Variants in NTRK3 observed in about 807,000 individuals in gnomAD.
NTRK3 encodes the protein neurotrophic receptor tyrosine kinase 3, also known as NT-3 growth factor receptor.
NTRK3 carries 24 observed loss-of-function variants against 91.7 expected under a neutral mutation model. The observed-to-expected ratio is 0.26, with a 90% CI of 0.19 to 0.37. The LOEUF is 0.37. Among genes scored for constraint, NTRK3 ranks in the 10% least tolerant of loss-of-function variants. The pLI is 1.00. For synonymous variants in NTRK3, 483 were observed against 404.0 expected, an observed-to-expected ratio of 1.20 and a Z score of -2.34; for missense variants, 880 against 1,068.9, an observed-to-expected ratio of 0.82 and a Z score of 2.46.
intron 13 of NTRK3, among the ~76,000 whole-genome samples, chr15:88,106,296 C>T (rs547525039): frequency 3.9e-5 from 6 of 152,342 alleles, no homozygotes; most frequent in African/African-American, 1.2e-4. Context: ...AAAACATGCA[C>T]AGAGGGAGCT....
intron 17 of NTRK3, among the ~76,000 whole-genome samples, chr15:87,881,135 G>A (rs992885376): frequency 3.9e-5 from 6 of 152,166 alleles, no homozygotes; most frequent in African/African-American, 1.4e-4. Flanking sequence ...TGACTGACAA[G>A]GATAAACACC....
chr15:87,863,028 C>T (rs531191704), exon 19 of NTRK3: 2 of 230,906 alleles, frequency 8.7e-6, no homozygotes, highest in Admixed American at 5.6e-5. Context: ...TATAAGCAGT[C>T]CTTCATTTAG....
chr15:88,228,627 C>T (rs183866078), intron 3 of NTRK3, among the ~76,000 whole-genome samples: 2 of 152,290 alleles, frequency 1.3e-5, no homozygotes, highest in Non-Finnish European at 2.9e-5. Flanking sequence ...ACCCACAGCA[C>T]ATGACCCCAG....
chr15:87,979,850 C>T (rs1217051651), intron 14 of NTRK3, among the ~76,000 whole-genome samples: 1 of 152,126 alleles, frequency 6.6e-6, no homozygotes, highest in Non-Finnish European at 1.5e-5. Flanking sequence ...ACTGTAGGGT[C>T]ACTTAGGGGC....
At chr15:87,985,021 C>G (rs548137817) in intron 14 of NTRK3, among the ~76,000 whole-genome samples, 78 of 152,296 alleles carry the variant, frequency 5.1e-4, no homozygotes, top group African/African-American at 1.8e-3. Context: ...GAAATCCCAT[C>G]TCTGCAAGCC....
intron 14 of NTRK3, among the ~76,000 whole-genome samples, chr15:88,022,531 A>G (rs1197747198): frequency 6.6e-6 from 1 of 152,208 alleles, no homozygotes; most frequent in Non-Finnish European, 1.5e-5. Flanking sequence ...TCTCTGGAGA[A>G]AAGTTAATCC....
chr15:87,866,544 G>A (rs184167267), exon 19 of NTRK3: 1 of 174,382 alleles, frequency 5.7e-6, no homozygotes, highest in Non-Finnish European at 1.2e-5. Context: ...TTAAAATAAG[G>A]GATTGGGTTA....
chr15:87,929,144 G>A (rs2141907379), intron 17 of NTRK3, 47 bp downstream of exon 17: 1 of 1,613,930 alleles, frequency 6.2e-7, no homozygotes, highest in Non-Finnish European at 8.5e-7. Flanking sequence ...ATGTAAGCAA[G>A]GCGCTAGCTC....
intron 5 of NTRK3, among the ~76,000 whole-genome samples, chr15:88,164,104 A>C (rs557961744): frequency 3.3e-5 from 5 of 152,272 alleles, no homozygotes; most frequent in African/African-American, 1.2e-4. Context: ...CCCCATAGAA[A>C]TTTGTTCATT....
At chr15:87,968,188 T>TAC (rs2072952496) in intron 14 of NTRK3, among the ~76,000 whole-genome samples, 1 of 152,240 alleles carries the variant, frequency 6.6e-6, no homozygotes, top group Non-Finnish European at 1.5e-5. Flanking sequence ...GGAATGTGTG[T>TAC]GTATACTTGA....
intron 11 of NTRK3, 81 bp downstream of exon 11, chr15:88,128,630 G>T: frequency 7.0e-7 from 1 of 1,420,592 alleles, no homozygotes; most frequent in South Asian, 1.1e-5. Flanking sequence ...TGTGGAATAG[G>T]AGAGAGGGCT....
rs533569898 is a variant in NTRK3 at position 88,062,288 on chromosome 15, C to T, written c.1397-29243G>A. ...GTGTTACAAGGATGAAAGTGTTTTG[C>T]GCAAGAAGTACTCCATAAATGATAA... On this transcript the variant is annotated intron_variant, in intron 13 of 18. Transcript: ENST00000394480. 1.6e-3 allele frequency among the ~76,000 whole-genome samples: 237 copies of T among 152,264 alleles called. 2 individuals carry two copies. Among genetic ancestry groups the T allele is most frequent in the African/African-American group, 4.3e-3 (179 of 41,548 alleles).
chr15:87,945,019 T>C (rs1381545566), intron 14 of NTRK3, among the ~76,000 whole-genome samples: 1 of 152,228 alleles, frequency 6.6e-6, no homozygotes, highest in East Asian at 1.9e-4. Flanking sequence ...CTCCTTTTAC[T>C]GCCTGGCTGG....
intron 13 of NTRK3, among the ~76,000 whole-genome samples, chr15:88,053,820 C>T (rs1441113148): frequency 1.3e-5 from 2 of 152,138 alleles, no homozygotes; most frequent in South Asian, 4.2e-4. Flanking sequence ...GTACAAATAC[C>T]TTATCAAAAT....
At chr15:88,122,335 G>C (rs1458074451) in intron 13 of NTRK3, among the ~76,000 whole-genome samples, 1 of 152,116 alleles carries the variant, frequency 6.6e-6, no homozygotes, top group East Asian at 1.9e-4. Context: ...TGGCAGTCTG[G>C]GAGGTGTGAG....
At chr15:87,924,414 T>G (rs1390819731) in intron 17 of NTRK3, among the ~76,000 whole-genome samples, 5 of 152,134 alleles carry the variant, frequency 3.3e-5, no homozygotes, top group Non-Finnish European at 7.4e-5. Context: ...CAGCTTAGAA[T>G]CCAGTGCCTT....
intron 13 of NTRK3, among the ~76,000 whole-genome samples, chr15:88,075,516 AC>A (rs956997287): frequency 2.6e-4 from 40 of 152,190 alleles, no homozygotes; most frequent in African/African-American, 9.2e-4. Flanking sequence ...CCTAAAGAGG[AC>A]CCCAGCAGAG....
At chr15:87,946,871 GTTCT>G (rs2070565354) in intron 14 of NTRK3, among the ~76,000 whole-genome samples, 1 of 134,782 alleles carries the variant, frequency 7.4e-6, no homozygotes, top group Non-Finnish European at 1.5e-5. Flanking sequence ...TCTTTCGTGG[GTTCT>G]TTTTTTTTTT....
exon 19 of NTRK3, chr15:87,876,123 T>C: frequency 4.3e-6 from 1 of 232,560 alleles, no homozygotes; most frequent in Non-Finnish European, 8.5e-6. Context: ...AGTCCAGTTC[T>C]TTAAGTTCTG....
Sources: allele counts gnomAD v4.1 joint callset (sites outside exome capture counted in the v4.1 genomes callset), GRCh38; gene constraint gnomAD v4.1.1; transcripts MANE v1.5; gene names NCBI Gene and HGNC (gene_info 2026-07-23, HGNC 2026-07-21).